Variants in DNAH12 observed in about 807,000 individuals in gnomAD.
The protein encoded by DNAH12 is axonemal beta dynein heavy chain 12.
A neutral mutation model predicts 371.5 loss-of-function variants in DNAH12; 285 were observed. The observed-to-expected ratio is 0.77, with a 90% CI of 0.70 to 0.85. The LOEUF is 0.85. Ranked by LOEUF, DNAH12 falls within the 40% of genes least tolerant of loss-of-function variation. The pLI is 0.00. For synonymous variants in DNAH12, 1,200 were observed against 1,213.0 expected, an observed-to-expected ratio of 0.99 and a Z score of 0.22; for missense variants, 3,611 against 3,689.4, an observed-to-expected ratio of 0.98 and a Z score of 0.55.
intron 29 of DNAH12, among the ~76,000 whole-genome samples, 159 bp from the exon 30 acceptor site, chr3:57,437,219 CAT>C (rs1378662938): frequency 1.3e-5 from 2 of 152,012 alleles, no homozygotes; most frequent in Non-Finnish European, 2.9e-5. Context: ...AGAGGAGAAA[CAT>C]AGACTCAAAA....
At chr3:57,370,908 A>G (rs1387151038) in intron 55 of DNAH12, among the ~76,000 whole-genome samples, 1 of 152,194 alleles carries the variant, frequency 6.6e-6, no homozygotes, top group East Asian at 1.9e-4. Flanking sequence ...TGAAACTCAC[A>G]AAAGGCTTAA....
chr3:57,544,234 C>CAGAGAG lies in DNAH12; in HGVS notation c.-77_-72dup, dbSNP rs59440059. 2 of 150,840 alleles carry CAGAGAG rather than the reference C, an allele frequency of 1.3e-5. No homozygotes were observed. The highest frequency in any genetic ancestry group is 4.9e-5 in the African/African-American group (2 of 41,222). The allele number at this position is 150,840 out of a possible 1,614,324, so 9.3% of individuals were successfully genotyped here. A position where few individuals can be genotyped will look rare whatever the true frequency, so the allele number is the denominator to read the frequency against. ...CACTACTTCCCCGCTGCGCAGACGC[C>CAGAGAG]AGAGAGAGAGAGAGACAGTCAGAGC... is the stretch of plus-strand genomic sequence containing the variant. On this transcript the variant is annotated 5_prime_UTR_variant, in exon 1 of 74. Coordinates refer to ENST00000495027, the MANE Select transcript of DNAH12 (RefSeq NM_001366028.2).
Position 57,309,208 on chromosome 3 carries a change from A to G in DNAH12, c.11132T>C (p.Val3711Ala). 1 of 1,550,506 alleles carries G rather than the reference A, an allele frequency of 6.4e-7. No homozygotes were observed. Among genetic ancestry groups the G allele is most frequent in the Non-Finnish European group, 8.7e-7 (1 of 1,146,718 alleles). ...DIEMALRKYP[V>A]RYEESMNTVL... The stretch of plus-strand genomic sequence containing the variant: ...AGTATTCATGCTTTCTTCATATCTC[A>G]CAGGATACTTCCGTAGTGCCATTTC... The change falls in exon 69 of 74, where the codon GTG (valine) becomes GCG (alanine). Residue 3711 changes from valine to alanine, a missense_variant. Physicochemically the swap from Val to Ala is moderately conservative, Grantham distance 64 (BLOSUM62 0). Coordinates refer to ENST00000495027, the MANE Select transcript of DNAH12 (RefSeq NM_001366028.2).
upstream of DNAH12, among the ~76,000 whole-genome samples, chr3:57,547,082 G>A (rs2069585878): frequency 6.6e-6 from 1 of 151,928 alleles, no homozygotes; most frequent in African/African-American, 2.4e-5. Context: ...CCATTTTCTG[G>A]TTCTTCCCTT....
chr3:57,383,880 CT>C (rs1440412195), intron 49 of DNAH12, among the ~76,000 whole-genome samples: 2 of 152,090 alleles, frequency 1.3e-5, no homozygotes, highest in East Asian at 3.9e-4. Flanking sequence ...TATAAATGCC[CT>C]AAAACAATCT....
At chr3:57,493,088 C>T (rs886240593) in intron 11 of DNAH12, among the ~76,000 whole-genome samples, 3 of 152,156 alleles carry the variant, frequency 2.0e-5, no homozygotes, top group Admixed American at 6.5e-5. Context: ...ATAGACACTA[C>T]AGGTTATACC....
Position 57,453,026 on chromosome 3 carries a change from T to A in DNAH12, c.3614-11A>T, listed in dbSNP as rs2065800379. 1 of 1,531,162 alleles carries A rather than the reference T, an allele frequency of 6.5e-7. No homozygotes were observed. Among genetic ancestry groups the A allele is most frequent in the African/African-American group, 1.4e-5 (1 of 71,604 alleles). 94.8% of individuals were successfully genotyped at this position (1,531,162 alleles called of 1,614,324 possible). A position where few individuals can be genotyped will look rare whatever the true frequency, so the allele number is the denominator to read the frequency against. On this transcript the variant is annotated splice_polypyrimidine_tract_variant and intron_variant, in intron 24 of 73. Coordinates refer to ENST00000495027, the MANE Select transcript of DNAH12 (RefSeq NM_001366028.2). ...TATCATGTGAGACACCTAGAAAAAATAAAGTAAAATAAGACACATGATCCT... is the reference window on the plus strand; with the variant it reads ...TATCATGTGAGACACCTAGAAAAAAAAAAGTAAAATAAGACACATGATCCT...
intron 4 of DNAH12, among the ~76,000 whole-genome samples, chr3:57,523,104 C>T (rs949219053): frequency 5.9e-5 from 9 of 151,948 alleles, no homozygotes; most frequent in African/African-American, 1.5e-4. Flanking sequence ...CCATATTGGC[C>T]GGGCACAGTG....
chr3:57,403,375 T>C lies in DNAH12; in HGVS notation c.6882A>G (p.Lys2294=), dbSNP rs1553679744. The C allele has an allele frequency of 3.2e-6, 5 of 1,551,162 alleles. No homozygotes were observed. The highest frequency in any genetic ancestry group is 4.4e-6 in the Non-Finnish European group (5 of 1,146,742). Residue 2294 remains lysine, a synonymous_variant, in exon 43 of 74, where the codon AAA becomes AAG. Coordinates refer to ENST00000495027, the MANE Select transcript of DNAH12 (RefSeq NM_001366028.2). ...SLTRLATSMA[K]MHIFQPEISK... ...AAATTTCTGGTTGGAAAATATGCAT[T>C]TTTGCCATGGATGTAGCCAGACGAG...
At chr3:57,555,746 T>G in the DNAH12 span, among the ~76,000 whole-genome samples, 4 of 152,212 alleles carry the variant, frequency 2.6e-5, no homozygotes, top group Admixed American at 6.5e-5. Flanking sequence ...TAAACGGAGT[T>G]ATTGTATATC....
At chr3:57,380,953 C>T (rs940143851) in intron 50 of DNAH12, among the ~76,000 whole-genome samples, 9 of 152,096 alleles carry the variant, frequency 5.9e-5, no homozygotes, top group Non-Finnish European at 1.3e-4. Context: ...TGCATAAACG[C>T]CATCACAATT....
chr3:57,400,965 C>G (rs1028018986), intron 43 of DNAH12, among the ~76,000 whole-genome samples: 1 of 152,050 alleles, frequency 6.6e-6, no homozygotes, highest in Non-Finnish European at 1.5e-5. Context: ...CATTAGGCCA[C>G]AAAACAAGTC....
At position 57,459,661 on chromosome 3, in the gene DNAH12, T is replaced by G. The variant is rs751401477; in HGVS notation, c.2862A>C (p.Glu954Asp). The G allele has an allele frequency of 6.5e-7, 1 of 1,549,084 alleles. No homozygotes were observed. Among genetic ancestry groups the G allele is most frequent in the South Asian group, 1.2e-5 (1 of 83,752 alleles). Residue 954 changes from glutamate (E) to aspartate (D), a missense_variant, in exon 20 of 74, where the codon GAA becomes GAC. This residue lies in a region of DNAH12 where 1,314 missense variants were observed against 1,398.7 expected (regional missense o/e 0.94). Coordinates refer to ENST00000495027, the MANE Select transcript of DNAH12 (RefSeq NM_001366028.2). ...TGTCTACTGTCTGAAATTGACGCCC[T>G]TCTTCTGGCATCTGTTGCATGATAT... Reference protein sequence around the residue: ...SEDIMQQMPEEGRQFQTVDRH... With the variant: ...SEDIMQQMPEDGRQFQTVDRH...
At chr3:57,295,739 G>T (rs1216757344) in intron 72 of DNAH12, 147 bp from the exon 73 acceptor site, 4 of 674,626 alleles carry the variant, frequency 5.9e-6, no homozygotes, top group Non-Finnish European at 9.3e-6. Flanking sequence ...TGAGAAAATG[G>T]CAATGAAGAA....
Position 57,453,355 on chromosome 3 carries a change from C to A in DNAH12, c.3505G>T (p.Val1169Leu). The change falls in exon 24 of 74, where the codon GTA (valine) becomes TTA (leucine). Residue 1169 changes from valine to leucine, a missense_variant. By Grantham distance (32) the Val-to-Leu change is conservative. Transcript: ENST00000495027. ...KELQNQLNEI[V>L]ELVRGKLSKQ... ...GACAACTTTCCTCTTACCAGCTCTA[C>A]AATCTCATTCAGTTGGTTCTGAAGT... is the stretch of plus-strand genomic sequence containing the variant. The A allele has an allele frequency of 1.3e-6, 2 of 1,550,770 alleles. No homozygotes were observed. The highest frequency in any genetic ancestry group is 1.4e-5 in the African/African-American group (1 of 73,108).
At position 57,492,408 on chromosome 3, in the gene DNAH12, C is replaced by T. The variant is rs772679786; in HGVS notation, c.1336-2721G>A. Among the ~76,000 whole-genome samples the T allele has an allele frequency of 2.5e-4, 37 of 150,842 alleles. 1 individual carries two copies. The highest frequency in any genetic ancestry group is 6.3e-4 in the South Asian group (3 of 4,748). On this transcript the variant is annotated intron_variant, in intron 11 of 73. Transcript: ENST00000495027. ...CCAGGAAGCGGAGGTTGTGGTGAGCCGAGATTGCACCATTGCACTCCAGCC... is the reference window on the plus strand; with the variant it reads ...CCAGGAAGCGGAGGTTGTGGTGAGCTGAGATTGCACCATTGCACTCCAGCC...
At chr3:57,389,354 G>A (rs1014438757) in intron 45 of DNAH12, among the ~76,000 whole-genome samples, 1 of 151,952 alleles carries the variant, frequency 6.6e-6, no homozygotes, top group Non-Finnish European at 1.5e-5. Flanking sequence ...TGACTAAAGA[G>A]GCAGAAAACC....
intron 58 of DNAH12, among the ~76,000 whole-genome samples, chr3:57,358,925 C>T (rs1426599615): frequency 6.6e-6 from 1 of 152,194 alleles, no homozygotes; most frequent in African/African-American, 2.4e-5. Flanking sequence ...GCTGAGATTA[C>T]AGGCGTCCAC....
intron 37 of DNAH12, among the ~76,000 whole-genome samples, chr3:57,418,034 C>T (rs1180623446): frequency 6.6e-6 from 1 of 151,822 alleles, no homozygotes; most frequent in Non-Finnish European, 1.5e-5. Flanking sequence ...TGCCTGTAAT[C>T]CCAGCTACTC....
Sources: gnomAD v4.1 joint callset for allele counts (sites outside exome capture counted in the v4.1 genomes callset) on GRCh38, gnomAD v4.1.1 for gene constraint, gnomAD v4.1.1 regional missense constraint, MANE v1.5 for transcripts, NCBI Gene and HGNC (gene_info 2026-07-23, HGNC 2026-07-21) for gene names.